Variants in ATP13A5 observed in about 807,000 individuals in gnomAD.
ATP13A5 encodes ATPase 13A5.
In ATP13A5, 149 loss-of-function variants were observed where a neutral mutation model predicts 150.2. The ratio of observed to expected loss-of-function variants is 0.99; its 90% CI spans 0.87 to 1.14. The LOEUF is 1.14. ATP13A5 is among the 50% of genes most tolerant of loss of function. The probability of loss-of-function intolerance (pLI) is 0.00; values close to 1 mark genes in which losing one functional copy is unlikely to be tolerated. For missense variants in ATP13A5, 1,383 were observed against 1,449.3 expected (o/e 0.95, Z 0.74); for synonymous variants, 497 against 522.2 (o/e 0.95, Z 0.66).
At chr3:193,312,740 A>C (rs1718902551) in intron 19 of ATP13A5, 1 of 152,220 alleles carries the variant, frequency 6.6e-6, no homozygotes, top group South Asian at 2.1e-4. Context: ...AGATGACTTC[A>C]TCTCAGGGAA....
rs1465052469 is a variant in ATP13A5 at position 193,341,778 on chromosome 3, A to C, written c.943+2149T>G. On this transcript the variant is annotated intron_variant, in intron 9 of 29. Transcript: ENST00000342358. ...GGCAAAATTTGGAACCGACATAAAA[A>C]TTAAGTGTAGTTATAAAATAAAGGT... Among the ~76,000 whole-genome samples the C allele has an allele frequency of 3.9e-5, 6 of 152,224 alleles. No individual in the cohort carries two copies. The East Asian group carries it at 1.2e-3, about 29-fold the overall frequency.
chr3:193,275,427 C>T, intron 29 of ATP13A5, 125 bp from the exon 30 acceptor site: 1 of 1,085,874 alleles, frequency 9.2e-7, no homozygotes, highest in Non-Finnish European at 1.3e-6. Context: ...GCTGTTGCAT[C>T]TACCTCTCCT....
intron 17 of ATP13A5, among the ~76,000 whole-genome samples, chr3:193,317,744 A>C (rs560535344): frequency 6.6e-6 from 1 of 152,278 alleles, no homozygotes; most frequent in East Asian, 1.9e-4. Context: ...CCCCAAAAAA[A>C]CCTGGAATGG....
At chr3:193,359,242 T>C (rs1466893007) in intron 5 of ATP13A5, among the ~76,000 whole-genome samples, 1 of 152,186 alleles carries the variant, frequency 6.6e-6, no homozygotes, top group African/African-American at 2.4e-5. Context: ...ATCTGATGGC[T>C]GAGTATCTAC....
At chr3:193,298,189 T>A (rs1233367774) in intron 25 of ATP13A5, among the ~76,000 whole-genome samples, 1 of 152,160 alleles carries the variant, frequency 6.6e-6, no homozygotes, top group African/African-American at 2.4e-5. Context: ...GGTGTTTTTT[T>A]TCTCTTTTTA....
Position 193,289,980 on chromosome 3 carries a change from T to C in ATP13A5, c.2928A>G (p.Ser976=). ...GQLLSPPLLL[S]IFLNSCFSCI... ...AGGAGAAACAGGAATTCAAAAATAT[T>C]GAAAGCAGTAAAGGGGGAGAAAGGA... Residue 976 remains serine (S), a synonymous_variant, in exon 26 of 30, where the codon TCA becomes TCG. Coordinates refer to ENST00000342358, the MANE Select transcript of ATP13A5 (RefSeq NM_198505.4). 1 of 1,612,912 alleles carries C rather than the reference T, an allele frequency of 6.2e-7. No individual in the cohort carries two copies. The highest frequency in any genetic ancestry group is 8.5e-7 in the Non-Finnish European group (1 of 1,179,274).
chr3:193,351,691 A>T (rs1303470390), intron 6 of ATP13A5, among the ~76,000 whole-genome samples: 1 of 152,206 alleles, frequency 6.6e-6, no homozygotes, highest in Non-Finnish European at 1.5e-5. Context: ...CATATCTTTC[A>T]TGTCACAGGT....
intron 5 of ATP13A5, among the ~76,000 whole-genome samples, chr3:193,355,067 G>A (rs578179281): frequency 6.6e-6 from 1 of 151,480 alleles, no homozygotes; most frequent in African/African-American, 2.4e-5. Context: ...CGAGTAGCTG[G>A]GATTACAGGC....
Position 193,363,385 on chromosome 3 carries a change from G to A in ATP13A5, c.238-3C>T, listed in dbSNP as rs1363610878. On this transcript the variant is annotated splice_polypyrimidine_tract_variant and splice_region_variant and intron_variant, in intron 2 of 29. Transcript: ENST00000342358. ...CTCATATATCTTTGAAATTCGTCCT[G>A]GAAAAGACAATCCAGTTCATGAAAT... The A allele has an allele frequency of 1.2e-6, 2 of 1,609,468 alleles. No homozygotes were observed. Among genetic ancestry groups the A allele is most frequent in the African/African-American group, 1.3e-5 (1 of 74,798 alleles).
intron 21 of ATP13A5, among the ~76,000 whole-genome samples, chr3:193,309,466 A>G (rs1283010760): frequency 6.6e-6 from 1 of 152,202 alleles, no homozygotes; most frequent in Non-Finnish European, 1.5e-5. Context: ...TGGAATAGGT[A>G]ACTTCTAAAT....
intron 1 of ATP13A5, among the ~76,000 whole-genome samples, chr3:193,370,522 C>T (rs180929003): frequency 9.0e-4 from 137 of 152,320 alleles, no homozygotes; most frequent in African/African-American, 2.8e-3. Flanking sequence ...AATCATACCT[C>T]TACCACGTAA....
chr3:193,340,317 A>T (rs535653176), intron 9 of ATP13A5, among the ~76,000 whole-genome samples: 19 of 152,340 alleles, frequency 1.2e-4, no homozygotes, highest in South Asian at 4.1e-4. Context: ...ACTTGGTGAC[A>T]CCAATACGCA....
At chr3:193,302,821 T>C (rs190780490) in intron 23 of ATP13A5, among the ~76,000 whole-genome samples, 1 of 152,200 alleles carries the variant, frequency 6.6e-6, no homozygotes, top group Non-Finnish European at 1.5e-5. Flanking sequence ...GGAATAAGTA[T>C]GCATCAAGGA....
chr3:193,341,092 A>T (rs2108882510), intron 9 of ATP13A5, among the ~76,000 whole-genome samples: 1 of 152,256 alleles, frequency 6.6e-6, no homozygotes, highest in Non-Finnish European at 1.5e-5. Flanking sequence ...AAATGTTAGC[A>T]CAATGCCTAA....
In ATP13A5 at chr3:193,279,462, A is replaced by G. The variant is rs755905004; in HGVS notation, c.3227-8T>C. 3 of 1,603,024 alleles carry G rather than the reference A, an allele frequency of 1.9e-6. No individual in the cohort carries two copies. Among genetic ancestry groups the G allele is most frequent in the Non-Finnish European group, 2.6e-6 (3 of 1,170,334 alleles). On this transcript the variant is annotated splice_region_variant and splice_polypyrimidine_tract_variant and intron_variant, in intron 27 of 29. Transcript: ENST00000342358. ...GCAGAAATGAAAATATATCTGAGGAAATACCAAACATTATTTTTAGATGTT... is the reference window on the plus strand; with the variant it reads ...GCAGAAATGAAAATATATCTGAGGAGATACCAAACATTATTTTTAGATGTT...
chr3:193,345,613 T>G (rs1470666119), intron 7 of ATP13A5, among the ~76,000 whole-genome samples: 1 of 152,102 alleles, frequency 6.6e-6, no homozygotes, highest in Non-Finnish European at 1.5e-5. Flanking sequence ...GTATGAGTGG[T>G]GGAAGTATGG....
chr3:193,288,714 A>G (rs185832387), intron 26 of ATP13A5, among the ~76,000 whole-genome samples: 13 of 152,234 alleles, frequency 8.5e-5, no homozygotes, highest in Admixed American at 7.2e-4. Flanking sequence ...GTAGGCCTGT[A>G]GTAGATGTTC....
intron 26 of ATP13A5, among the ~76,000 whole-genome samples, chr3:193,286,785 A>G (rs1414923330): frequency 6.6e-6 from 1 of 152,152 alleles, no homozygotes; most frequent in Non-Finnish European, 1.5e-5. Context: ...TCTCTCTTTA[A>G]ATAAAAAACT....
In ATP13A5 at chr3:193,362,604, CAT is replaced by C. The variant is rs749793224; in HGVS notation, c.416_417del (p.Tyr139CysfsTer23). ...LRCMEVQKIR[Y>X]VWNDLEKRFQ... ...AACCGCTTCTCCAGGTCGTTCCAAACATACCTGATTTTCTGCACTTCCATGCA... is the reference window on the plus strand; with the variant it reads ...AACCGCTTCTCCAGGTCGTTCCAAACACCTGATTTTCTGCACTTCCATGCA... On this transcript the variant is annotated frameshift_variant, in exon 4 of 30. Coordinates refer to ENST00000342358, the MANE Select transcript of ATP13A5 (RefSeq NM_198505.4). LOFTEE classifies it high-confidence loss of function. 4 of 1,614,104 alleles carry C rather than the reference CAT, an allele frequency of 2.5e-6. No individual in the cohort carries two copies. Among genetic ancestry groups the C allele is most frequent in the Non-Finnish European group, 3.4e-6 (4 of 1,180,026 alleles).
Sources: gnomAD v4.1 joint callset for allele counts (sites outside exome capture counted in the v4.1 genomes callset) on GRCh38, gnomAD v4.1.1 for gene constraint, MANE v1.5 for transcripts, NCBI Gene and HGNC (gene_info 2026-07-23, HGNC 2026-07-21) for gene names.